Variants in ANHX observed in about 807,000 individuals in gnomAD.
ANHX encodes the protein anomalous homeobox.
Under a neutral mutation model 38.9 loss-of-function variants are expected in ANHX, and 20 were observed. The observed-to-expected ratio is 0.51, with a 90% CI of 0.36 to 0.75. The LOEUF is 0.75. ANHX is among the 30% of genes least tolerant of loss of function. ANHX has a pLI of 0.00. For synonymous variants in ANHX, 185 were observed against 203.1 expected (o/e 0.91, Z 0.76); for missense variants, 475 against 493.1 (o/e 0.96, Z 0.35).
intron 7 of ANHX, among the ~76,000 whole-genome samples, chr12:133,223,282 A>G (rs1253820034): frequency 2.0e-5 from 3 of 151,968 alleles, no homozygotes; most frequent in Non-Finnish European, 4.4e-5. Flanking sequence ...AAAAAAATAC[A>G]AGATAAAAGG....
chr12:133,221,158 T>C lies in ANHX; in HGVS notation c.1280+47A>G. On this transcript the variant is annotated intron_variant, in intron 8 of 9. Transcript: ENST00000545940. The surrounding 1 kb of genome is among the most constrained non-coding windows in gnomAD (Gnocchi z 4.1). ...ATAAACTGGGCATTACCCTATCTTGTGGCCTGTGGAAAGGACTGTCCAGGC... is the reference window on the plus strand; with the variant it reads ...ATAAACTGGGCATTACCCTATCTTGCGGCCTGTGGAAAGGACTGTCCAGGC... 3 of 1,530,480 alleles carry C rather than the reference T, an allele frequency of 2.0e-6. No individual in the cohort carries two copies. The highest frequency in any genetic ancestry group is 2.6e-6 in the Non-Finnish European group (3 of 1,143,276). The allele number at this position is 1,530,480 out of a possible 1,614,324, so 94.8% of individuals were successfully genotyped here.
chr12:133,227,963 G>A lies in ANHX; in HGVS notation c.378-16C>T. On this transcript the variant is annotated splice_polypyrimidine_tract_variant and intron_variant, in intron 3 of 9. Transcript: ENST00000545940. ...CGGGGGGTTCCTGGGTAAGGACAGT[G>A]AGGAGGTGGTAACAGACAGGACCCC... 6.5e-7 allele frequency: 1 copy of A among 1,534,838 alleles called. No individual in the cohort carries two copies. The highest frequency in any genetic ancestry group is 8.7e-7 in the Non-Finnish European group (1 of 1,146,182).
At position 133,219,380 on chromosome 12, in the gene ANHX, C is replaced by T; in HGVS notation, c.1281-13G>A. ...CAGCTCTGGAGGGCTGGAAAAGAGA[C>T]AGTGTAAGAATAGGCCCTATCTCAA... On this transcript the variant is annotated splice_polypyrimidine_tract_variant and intron_variant, in intron 8 of 9. Transcript: ENST00000545940. 6.6e-7 allele frequency: 1 copy of T among 1,509,540 alleles called. No homozygotes were observed. Among genetic ancestry groups the T allele is most frequent in the Non-Finnish European group, 8.8e-7 (1 of 1,132,848 alleles). The allele number at this position is 1,509,540 out of a possible 1,614,324, so 93.5% of individuals were successfully genotyped here. A position where few individuals can be genotyped will look rare whatever the true frequency, so the allele number is the denominator to read the frequency against.
In ANHX at chr12:133,226,305, G is replaced by C. The variant is rs1035767727; in HGVS notation, c.839+13C>G. ...TAGGTGAGATGATTCCATGGCCATG[G>C]AGATGACAGTACCTGACATCCAGTG... On this transcript the variant is annotated intron_variant, in intron 6 of 9. Coordinates refer to ENST00000545940, the MANE Select transcript of ANHX (RefSeq NM_001372060.1). 26 of 1,536,122 alleles carry C rather than the reference G, an allele frequency of 1.7e-5. No individual in the cohort carries two copies. Among genetic ancestry groups the C allele is most frequent in the Non-Finnish European group, 2.2e-5 (25 of 1,146,918 alleles).
At chr12:133,224,908 A>T (rs542612032) in intron 7 of ANHX, among the ~76,000 whole-genome samples, 1 of 149,230 alleles carries the variant, frequency 6.7e-6, no homozygotes, top group South Asian at 2.2e-4. Flanking sequence ...AGGAGGTTGC[A>T]GTGAGCCGAG....
At chr12:133,231,243 C>T (rs1957269785) in intron 3 of ANHX, among the ~76,000 whole-genome samples, 1 of 152,220 alleles carries the variant, frequency 6.6e-6, no homozygotes, top group Admixed American at 6.5e-5. Context: ...TGGCCTTAGC[C>T]TCAGTCACCC....
intron 5 of ANHX, 46 bp from the exon 6 acceptor site, chr12:133,226,484 C>A: frequency 6.6e-7 from 1 of 1,503,976 alleles, no homozygotes. Context: ...GGCTCTGGTT[C>A]CCAACCTCCT....
In ANHX at chr12:133,227,023, C is replaced by G. The variant is rs1018094046; in HGVS notation, c.631G>C (p.Gly211Arg). 2 of 1,535,858 alleles carry G rather than the reference C, an allele frequency of 1.3e-6. No homozygotes were observed. The highest frequency in any genetic ancestry group is 1.2e-5 in the South Asian group (1 of 84,052). Reference sequence around the variant, plus strand: ...AGGTCAGGACCCCTCTCCCTCGCACCAGGGTCTTCAGCTGTGGCCTGCTGG... The same window carrying G: ...AGGTCAGGACCCCTCTCCCTCGCACGAGGGTCTTCAGCTGTGGCCTGCTGG... ...PAQQATAEDP[G>R]ARERGPDLLQ... Residue 211 changes from glycine to arginine, a missense_variant, in exon 5 of 10, where the codon GGT becomes CGT. Gly to Arg is a moderately radical substitution (Grantham distance 125). Transcript: ENST00000545940.
At chr12:133,232,933 T>C (rs1312106374) in intron 2 of ANHX, among the ~76,000 whole-genome samples, 2 of 151,926 alleles carry the variant, frequency 1.3e-5, no homozygotes, top group Non-Finnish European at 1.5e-5. Flanking sequence ...AACAACCTTC[T>C]AGTTACAAAC....
Position 133,227,049 on chromosome 12 carries a change from G to C in ANHX, c.605C>G (p.Ala202Gly). 2 of 1,536,044 alleles carry C rather than the reference G, an allele frequency of 1.3e-6. No homozygotes were observed. Among genetic ancestry groups the C allele is most frequent in the Non-Finnish European group, 8.7e-7 (1 of 1,146,854 alleles). The change falls in exon 5 of 10, where the codon GCC becomes GGC. Residue 202 changes from alanine (A) to glycine (G), a missense_variant. Ala to Gly is a moderately conservative substitution (Grantham distance 60). Coordinates refer to ENST00000545940, the MANE Select transcript of ANHX (RefSeq NM_001372060.1). The stretch of plus-strand genomic sequence containing the variant: ...AGGGTCTTCAGCTGTGGCCTGCTGG[G>C]CTGGCTTCATGTGCTGGGGAAGGGC... ...QRALPQHMKP[A>G]QQATAEDPGA... is the part of the protein sequence containing the mutation.
chr12:133,229,967 A>G (rs140010595), intron 3 of ANHX, among the ~76,000 whole-genome samples: 18,056 of 152,192 alleles, frequency 0.12, 2,225 homozygotes, highest in African/African-American at 0.32. Context: ...TTCTGCTCAC[A>G]TGGCTGACAC....
At chr12:133,222,275 G>A (rs546093385) in intron 7 of ANHX, among the ~76,000 whole-genome samples, 9 of 152,270 alleles carry the variant, frequency 5.9e-5, no homozygotes, top group Non-Finnish European at 7.3e-5. Context: ...GGAAAGCCAT[G>A]AGCACAATGT....
Position 133,223,279 on chromosome 12 carries a change from T to C in ANHX, c.1133-1927A>G, listed in dbSNP as rs140083386. ...CCCAAAACGCACATCAATAAAAAAA[T>C]ACAAGATAAAAGGTAAGTTCTTTGG... On this transcript the variant is annotated intron_variant, in intron 7 of 9. Coordinates refer to ENST00000545940, the MANE Select transcript of ANHX (RefSeq NM_001372060.1). Among the ~76,000 whole-genome samples, 1,163 of 151,532 alleles carry C rather than the reference T, an allele frequency of 7.7e-3. 16 individuals carry two copies. The highest frequency in any genetic ancestry group is 0.026 in the African/African-American group (1,074 of 41,260).
At chr12:133,220,664 C>T (rs908172290) in intron 8 of ANHX, among the ~76,000 whole-genome samples, 2 of 152,074 alleles carry the variant, frequency 1.3e-5, no homozygotes, top group Non-Finnish European at 1.5e-5. Flanking sequence ...ACAGGAGTGG[C>T]GGGTGCGATA....
chr12:133,228,242 C>T (rs1957217475), intron 3 of ANHX, among the ~76,000 whole-genome samples: 1 of 152,126 alleles, frequency 6.6e-6, no homozygotes, highest in East Asian at 1.9e-4. Flanking sequence ...CCCTCCTGGA[C>T]ATCCTCACAT....
intron 4 of ANHX, 98 bp downstream of exon 4, chr12:133,227,726 G>T: frequency 1.4e-6 from 2 of 1,405,728 alleles, no homozygotes; most frequent in Non-Finnish European, 1.9e-6. Context: ...CACCCTGGCG[G>T]ATGAGGCCAC....
At chr12:133,225,273 C>T (rs1957174486) in intron 7 of ANHX, among the ~76,000 whole-genome samples, 1 of 151,596 alleles carries the variant, frequency 6.6e-6, no homozygotes, top group Admixed American at 6.6e-5. Flanking sequence ...AGGGTGGCAG[C>T]TCTTTCCTTT....
intron 7 of ANHX, among the ~76,000 whole-genome samples, chr12:133,223,434 G>C (rs150046869): frequency 2.7e-5 from 4 of 149,980 alleles, no homozygotes; most frequent in Non-Finnish European, 5.9e-5. Flanking sequence ...GAGCTTACAG[G>C]AGACTTTATT....
Position 133,219,304 on chromosome 12 carries a change from G to A in ANHX, c.1344C>T (p.Ser448=). Residue 448 remains serine (S), a synonymous_variant, in exon 9 of 10, where the codon AGC becomes AGT. Coordinates refer to ENST00000545940, the MANE Select transcript of ANHX (RefSeq NM_001372060.1). ...TCACCTGGCTGGAGGGCAGGGCCTG[G>A]CTCAGCTCCATGGCAGACACAGGGC... ...FPGPVSAMEL[S]QALPSSQVQC... The A allele has an allele frequency of 6.5e-7, 1 of 1,535,572 alleles. No homozygotes were observed. Among genetic ancestry groups the A allele is most frequent in the Non-Finnish European group, 8.7e-7 (1 of 1,146,824 alleles).
Sources: allele counts gnomAD v4.1 joint callset (sites outside exome capture counted in the v4.1 genomes callset), GRCh38; gene constraint gnomAD v4.1.1; non-coding constraint Gnocchi (gnomAD v3.1); transcripts MANE v1.5; gene names NCBI Gene and HGNC (gene_info 2026-07-23, HGNC 2026-07-21).